Variants in METTL22 observed in about 807,000 individuals in gnomAD.
METTL22 encodes methyltransferase 22, Kin17 lysine.
A neutral mutation model predicts 48.4 loss-of-function variants in METTL22; 51 were observed. The observed-to-expected ratio is 1.05, with a 90% CI of 0.84 to 1.33. The LOEUF (loss-of-function observed/expected upper bound fraction) is 1.33. Ranked by LOEUF, METTL22 falls within the 40% of genes most tolerant of loss-of-function variation. The pLI is 0.00. For missense variants in METTL22, 678 were observed against 526.9 expected, an observed-to-expected ratio of 1.29 and a Z score of -2.81; for synonymous variants, 255 against 214.1, an observed-to-expected ratio of 1.19 and a Z score of -1.67.
At chr16:8,641,472 G>A (rs1414104821) in intron 7 of METTL22, 1 of 561,344 alleles carries the variant, frequency 1.8e-6, no homozygotes, top group Middle Eastern at 2.7e-4. Flanking sequence ...CATGGGCACA[G>A]CTGGTACACA....
intron 5 of METTL22, among the ~76,000 whole-genome samples, chr16:8,637,087 C>T (rs2056446586): frequency 6.6e-6 from 1 of 152,064 alleles, no homozygotes; most frequent in Non-Finnish European, 1.5e-5. Context: ...GTCAAGTGAA[C>T]CTTGTTGTTA....
chr16:8,651,716 C>T (rs147888970), downstream of METTL22, among the ~76,000 whole-genome samples: 5 of 152,290 alleles, frequency 3.3e-5, no homozygotes, highest in South Asian at 4.1e-4. Flanking sequence ...TTTCAGGTTC[C>T]GTGTTGTACA....
At chr16:8,633,349 C>T (rs1164777762) in intron 3 of METTL22, among the ~76,000 whole-genome samples, 1 of 152,128 alleles carries the variant, frequency 6.6e-6, no homozygotes, top group Admixed American at 6.6e-5. Context: ...ACCTATGATC[C>T]CACTTTGGGA....
rs778866510 is a variant in METTL22, at chr16:8,641,134, G to T, written c.776G>T (p.Gly259Val). 2 of 1,613,884 alleles carry T rather than the reference G, an allele frequency of 1.2e-6. No homozygotes were observed. Among genetic ancestry groups the T allele is most frequent in the Admixed American group, 1.7e-5 (1 of 60,000 alleles). The change falls in exon 7 of 11, where the codon GGT (glycine) becomes GTT (valine). Residue 259 changes from glycine to valine, a missense_variant. Transcript: ENST00000381920. ...CTCTTTTTGTTTGTTTTTACAGGTG[G>T]TATAGTTAGGGTCAAAGAACTGGAC... ...LNSHLAATGG[G>V]IVRVKELDWL...
chr16:8,646,278 A>C lies in METTL22; in HGVS notation c.*135A>C. The C allele has an allele frequency of 8.7e-7, 1 of 1,154,864 alleles. No individual in the cohort carries two copies. The allele number at this position is 1,154,864 out of a possible 1,614,324, so 71.5% of individuals were successfully genotyped here. ...TGGTTACACGTACCTTAGATGACCC[A>C]AGATGGTTTTCTGGGGTCTGTCCCT... On this transcript the variant is annotated 3_prime_UTR_variant, in exon 11 of 11. Coordinates refer to ENST00000381920, the MANE Select transcript of METTL22 (RefSeq NM_024109.4).
intron 1 of METTL22, 28 bp from the exon 2 acceptor site, chr16:8,625,468 A>G (rs1255283087): frequency 1.1e-5 from 5 of 441,970 alleles, no homozygotes; most frequent in African/African-American, 2.0e-5. Context: ...TGAAATGAAT[A>G]TAAACAAAAT....
chr16:8,665,147 AGT>A, the METTL22 span, among the ~76,000 whole-genome samples: 10 of 145,948 alleles, frequency 6.9e-5, no homozygotes, highest in African/African-American at 1.4e-4. Context: ...ATACAAAAAA[AGT>A]AATAATAATA....
intron 3 of METTL22, among the ~76,000 whole-genome samples, chr16:8,629,695 C>G (rs895894970): frequency 6.6e-6 from 1 of 152,012 alleles, no homozygotes; most frequent in Non-Finnish European, 1.5e-5. Context: ...GACAGATACT[C>G]AGAGGTGGGA....
At chr16:8,633,470 G>C (rs1289093729) in intron 3 of METTL22, among the ~76,000 whole-genome samples, 1 of 152,168 alleles carries the variant, frequency 6.6e-6, no homozygotes, top group African/African-American at 2.4e-5. Context: ...GCCTGGCATG[G>C]AGGCATGCAC....
At position 8,628,808 on chromosome 16, in the gene METTL22, A is replaced by C; in HGVS notation, c.212A>C (p.Asp71Ala). 6.2e-7 allele frequency: 1 copy of C among 1,614,174 alleles called. No homozygotes were observed. The highest frequency in any genetic ancestry group is 8.5e-7 in the Non-Finnish European group (1 of 1,180,034). Residue 71 changes from aspartate (D) to alanine (A), a missense_variant, in exon 3 of 11, where the codon GAT becomes GCT. By Grantham distance (126) the Asp-to-Ala change is moderately radical. Transcript: ENST00000381920. Reference protein sequence around the residue: ...DSGAKGGSHRDVHTKEPPSAE... With the variant: ...DSGAKGGSHRAVHTKEPPSAE... ...GGAGCCAAGGGTGGCAGTCACAGAG[A>C]TGTTCACACAAAGGAGCCTCCTTCT...
At chr16:8,645,996 G>T (rs1165611849) in intron 10 of METTL22, 112 bp from the exon 11 acceptor site, 5 of 1,526,754 alleles carry the variant, frequency 3.3e-6, no homozygotes, top group African/African-American at 1.4e-5. Context: ...CGCCTGCTCC[G>T]TGGCTGACGT....
intron 1 of METTL22, among the ~76,000 whole-genome samples, chr16:8,624,635 A>T (rs1231852427): frequency 1.3e-5 from 2 of 151,962 alleles, no homozygotes; most frequent in Non-Finnish European, 2.9e-5. Context: ...GGAAGCTGAT[A>T]TGGGAGGATG....
downstream of METTL22, among the ~76,000 whole-genome samples, chr16:8,650,451 C>A (rs765484861): frequency 6.6e-6 from 1 of 152,232 alleles, no homozygotes; most frequent in Non-Finnish European, 1.5e-5. Context: ...GTTTCCTCAC[C>A]TGTAAAATAG....
At position 8,625,642 on chromosome 16, in the gene METTL22, T is replaced by G; in HGVS notation, c.-24T>G. On this transcript the variant is annotated 5_prime_UTR_variant, in exon 2 of 11. Coordinates refer to ENST00000381920, the MANE Select transcript of METTL22 (RefSeq NM_024109.4). ...TCTCACCTCTGAGGGACTCCTGTCCTAGGACTAAGGTGGAGCCTGGGCCAT... is the reference window on the plus strand; with the variant it reads ...TCTCACCTCTGAGGGACTCCTGTCCGAGGACTAAGGTGGAGCCTGGGCCAT... The G allele has an allele frequency of 6.2e-7, 1 of 1,613,794 alleles. No homozygotes were observed. The highest frequency in any genetic ancestry group is 8.5e-7 in the Non-Finnish European group (1 of 1,179,896).
chr16:8,638,163 C>A (rs919737639), intron 5 of METTL22, among the ~76,000 whole-genome samples: 2 of 151,990 alleles, frequency 1.3e-5, no homozygotes, highest in Admixed American at 1.3e-4. Context: ...ACTGCTAAGC[C>A]CATCGTGTGC....
chr16:8,663,938 A>C, the METTL22 span, among the ~76,000 whole-genome samples: 27 of 152,158 alleles, frequency 1.8e-4, no homozygotes, highest in African/African-American at 6.5e-4. Flanking sequence ...TACCCACCGG[A>C]TGCCAGGAGC....
chr16:8,654,329 C>T (rs570329701), downstream of METTL22, among the ~76,000 whole-genome samples: 136 of 152,310 alleles, frequency 8.9e-4, no homozygotes, highest in African/African-American at 3.2e-3. Flanking sequence ...CATCACATAA[C>T]TTATAAATGG....
chr16:8,622,562 G>T (rs530865823), intron 1 of METTL22, among the ~76,000 whole-genome samples: 1 of 152,098 alleles, frequency 6.6e-6, no homozygotes. Context: ...CTGCATTTCC[G>T]GAAAGAGACT....
chr16:8,651,148 G>A (rs2056889354), downstream of METTL22, among the ~76,000 whole-genome samples: 1 of 152,066 alleles, frequency 6.6e-6, no homozygotes, highest in Non-Finnish European at 1.5e-5. Flanking sequence ...AGCACTTTGG[G>A]AGGCCGAGGT....
Sources: allele counts gnomAD v4.1 joint callset (sites outside exome capture counted in the v4.1 genomes callset), GRCh38; gene constraint gnomAD v4.1.1; transcripts MANE v1.5; gene names NCBI Gene and HGNC (gene_info 2026-07-23, HGNC 2026-07-21).